UGGT2: variants seen among roughly 807,000 people sequenced by gnomAD.
UGGT2 encodes the protein UDP-glucose:glycoprotein glucosyltransferase 2.
A neutral mutation model predicts 192.1 loss-of-function variants in UGGT2; 180 were observed. The ratio of observed to expected loss-of-function variants is 0.94; its 90% CI spans 0.83 to 1.06. The LOEUF is 1.06. Ranked by LOEUF, UGGT2 falls within the 50% of genes least tolerant of loss-of-function variation. The pLI, the probability that UGGT2 is intolerant of heterozygous loss-of-function variation, is 0.00. For synonymous variants in UGGT2, 580 were observed against 591.0 expected, an observed-to-expected ratio of 0.98 and a Z score of 0.27; for missense variants, 1,849 against 1,795.7, an observed-to-expected ratio of 1.03 and a Z score of -0.54.
intron 2 of UGGT2, among the ~76,000 whole-genome samples, chr13:96,030,467 G>C (rs1162596134): frequency 5.3e-5 from 8 of 152,114 alleles, no homozygotes; most frequent in Non-Finnish European, 1.2e-4. Context: ...TTTGCTTTTG[G>C]AAATATTTCA....
intron 38 of UGGT2, among the ~76,000 whole-genome samples, chr13:95,806,006 G>A (rs1231917786): frequency 1.6e-5 from 2 of 128,354 alleles, no homozygotes; most frequent in African/African-American, 3.1e-5. Context: ...CTTGGACAGA[G>A]AGAACAGAGA....
At chr13:95,805,693 A>G (rs1395833869) in intron 38 of UGGT2, among the ~76,000 whole-genome samples, 2 of 152,196 alleles carry the variant, frequency 1.3e-5, no homozygotes, top group African/African-American at 4.8e-5. Context: ...AAAAATAAAT[A>G]CTATATTATC....
intron 20 of UGGT2, among the ~76,000 whole-genome samples, chr13:95,921,890 C>A (rs2048856196): frequency 6.6e-6 from 1 of 152,176 alleles, no homozygotes; most frequent in Non-Finnish European, 1.5e-5. Flanking sequence ...GAACTAAAAA[C>A]AGAACTACCA....
intron 26 of UGGT2, among the ~76,000 whole-genome samples, chr13:95,885,985 C>T (rs972220765): frequency 3.3e-5 from 5 of 151,722 alleles, no homozygotes; most frequent in African/African-American, 1.2e-4. Flanking sequence ...GTTAAGGGAG[C>T]AACTTTTAAA....
intron 29 of UGGT2, among the ~76,000 whole-genome samples, chr13:95,873,491 C>T (rs1007176004): frequency 1.6e-4 from 25 of 152,166 alleles, no homozygotes; most frequent in African/African-American, 6.0e-4. Flanking sequence ...AGGTACCCTT[C>T]CTGCCTAGCA....
chr13:95,877,253 AT>A (rs1413591350), intron 29 of UGGT2, 25 bp downstream of exon 29: 19 of 1,532,328 alleles, frequency 1.2e-5, no homozygotes, highest in Non-Finnish European at 1.7e-5. Context: ...ATGTGTAAAA[AT>A]TTAAAAGCAG....
intron 5 of UGGT2, among the ~76,000 whole-genome samples, chr13:96,006,962 A>C (rs1478267147): frequency 1.3e-5 from 2 of 152,174 alleles, no homozygotes; most frequent in East Asian, 3.9e-4. Flanking sequence ...GCATTACCTC[A>C]ATACCAAAAC....
chr13:95,879,693 T>A (rs1200790191), intron 27 of UGGT2, among the ~76,000 whole-genome samples: 1 of 152,198 alleles, frequency 6.6e-6, no homozygotes, highest in Non-Finnish European at 1.5e-5. Flanking sequence ...CATCTTGGCC[T>A]CCCAAAGTGC....
At chr13:95,816,145 A>G (rs1005164719) in intron 38 of UGGT2, among the ~76,000 whole-genome samples, 2 of 152,196 alleles carry the variant, frequency 1.3e-5, no homozygotes. Flanking sequence ...TTTTCTTTAT[A>G]AATTACCCAG....
chr13:95,888,629 T>TA (rs2047714895), intron 25 of UGGT2, among the ~76,000 whole-genome samples: 1 of 152,172 alleles, frequency 6.6e-6, no homozygotes, highest in Admixed American at 6.5e-5. Flanking sequence ...TTTCAATTCT[T>TA]ATTCTATCAC....
chr13:95,917,135 G>C (rs1392249750), intron 20 of UGGT2, among the ~76,000 whole-genome samples: 1 of 152,046 alleles, frequency 6.6e-6, no homozygotes, highest in South Asian at 2.1e-4. Flanking sequence ...GAAATGTTAG[G>C]GGGCAGCCAG....
At chr13:95,893,116 A>G (rs569568488) in intron 24 of UGGT2, among the ~76,000 whole-genome samples, 1 of 152,154 alleles carries the variant, frequency 6.6e-6, no homozygotes, top group Non-Finnish European at 1.5e-5. Flanking sequence ...CCAGATTTCA[A>G]TATACTCCTA....
intron 24 of UGGT2, among the ~76,000 whole-genome samples, chr13:95,891,949 T>C (rs924476181): frequency 6.6e-6 from 1 of 152,126 alleles, no homozygotes; most frequent in African/African-American, 2.4e-5. Context: ...TTAATTATCT[T>C]AAAATAAGAG....
At chr13:95,831,054 C>A (rs555107269) in intron 38 of UGGT2, among the ~76,000 whole-genome samples, 1 of 151,774 alleles carries the variant, frequency 6.6e-6, no homozygotes, top group East Asian at 2.0e-4. Flanking sequence ...CGCCTGTCCT[C>A]ACTCATAGGT....
Position 95,960,189 on chromosome 13 carries a change from G to A in UGGT2, c.1335+9923C>T, listed in dbSNP as rs1335566924. Reference sequence around the variant, plus strand: ...GCACAGATGTCAACGTAAGGACACAGGAACATAAGCAATCTCCAAAGGAAC... The same window carrying A: ...GCACAGATGTCAACGTAAGGACACAAGAACATAAGCAATCTCCAAAGGAAC... On this transcript the variant is annotated intron_variant, in intron 12 of 38. Transcript: ENST00000376747. 2.6e-5 allele frequency among the ~76,000 whole-genome samples: 4 copies of A among 152,130 alleles called. No homozygotes were observed. In the East Asian group the frequency reaches 7.7e-4, roughly 29 times the overall value.
intron 1 of UGGT2, among the ~76,000 whole-genome samples, chr13:96,033,724 T>C (rs1043832271): frequency 5.9e-5 from 9 of 152,134 alleles, no homozygotes; most frequent in Non-Finnish European, 8.8e-5. Flanking sequence ...TGGTTGTACA[T>C]GTTTGGGGTA....
chr13:95,841,972 T>C (rs1430156296), intron 36 of UGGT2, among the ~76,000 whole-genome samples: 2 of 152,226 alleles, frequency 1.3e-5, no homozygotes, highest in African/African-American at 4.8e-5. Context: ...CTTGGAATGC[T>C]TGACAAAAAT....
intron 17 of UGGT2, among the ~76,000 whole-genome samples, chr13:95,931,075 T>C (rs1200681918): frequency 6.6e-6 from 1 of 152,168 alleles, no homozygotes; most frequent in Non-Finnish European, 1.5e-5. Context: ...GATTGGTCCA[T>C]TCTACAGAGA....
chr13:95,985,304 C>T lies in UGGT2; in HGVS notation c.1031+1029G>A, dbSNP rs762012527. 1.0e-5 allele frequency: 13 copies of T among 1,291,040 alleles called. No homozygotes were observed. In the Admixed American group the frequency reaches 2.6e-4, roughly 26 times the overall value. 80.0% of individuals were successfully genotyped at this position (1,291,040 alleles called of 1,614,324 possible). A position where few individuals can be genotyped will look rare whatever the true frequency, so the allele number is the denominator to read the frequency against. ...TCAAATTCTTGACATTTAAAGTTGACTGAAAGAGGCATATCAATATATTCA... is the reference window on the plus strand; with the variant it reads ...TCAAATTCTTGACATTTAAAGTTGATTGAAAGAGGCATATCAATATATTCA... On this transcript the variant is annotated intron_variant, in intron 9 of 38. Transcript: ENST00000376747.
Sources: allele counts gnomAD v4.1 joint callset (sites outside exome capture counted in the v4.1 genomes callset), GRCh38; gene constraint gnomAD v4.1.1; transcripts MANE v1.5; gene names NCBI Gene and HGNC (gene_info 2026-07-23, HGNC 2026-07-21).